PTPRT: variants seen among roughly 807,000 people sequenced by gnomAD.
The protein encoded by PTPRT is receptor-type tyrosine-protein phosphatase T.
PTPRT carries 56 observed loss-of-function variants against 176.8 expected under a neutral mutation model. The ratio of observed to expected loss-of-function variants is 0.32; its 90% CI spans 0.26 to 0.40. The LOEUF (loss-of-function observed/expected upper bound fraction) is 0.40. Ranked by LOEUF, PTPRT falls within the 10% of genes least tolerant of loss-of-function variation. The pLI, the probability that PTPRT is intolerant of heterozygous loss-of-function variation, is 1.00. For synonymous variants in PTPRT, 783 were observed against 739.0 expected, an observed-to-expected ratio of 1.06 and a Z score of -0.96; for missense variants, 1,540 against 1,908.2, an observed-to-expected ratio of 0.81 and a Z score of 3.60.
intron 7 of PTPRT, among the ~76,000 whole-genome samples, chr20:42,675,429 A>C (rs1343789587): frequency 6.6e-6 from 1 of 152,240 alleles, no homozygotes; most frequent in African/African-American, 2.4e-5. Context: ...TATTTTAAAT[A>C]ATGTTGTGCA....
intron 9 of PTPRT, among the ~76,000 whole-genome samples, chr20:42,359,937 T>C (rs1568809028): frequency 1.3e-5 from 2 of 152,240 alleles, no homozygotes; most frequent in South Asian, 2.1e-4. Context: ...AGGGCTGTTG[T>C]AGGAGTGGGG....
intron 7 of PTPRT, among the ~76,000 whole-genome samples, chr20:42,573,143 G>T (rs534859733): frequency 6.6e-6 from 1 of 152,182 alleles, no homozygotes; most frequent in Non-Finnish European, 1.5e-5. Context: ...GCAACAAGGT[G>T]TAGGAGGTAC....
At chr20:42,308,081 G>A (rs2057571084) in intron 12 of PTPRT, among the ~76,000 whole-genome samples, 1 of 152,140 alleles carries the variant, frequency 6.6e-6, no homozygotes, top group Non-Finnish European at 1.5e-5. Flanking sequence ...GGAACCCTCA[G>A]TTCCGGGAAT....
intron 13 of PTPRT, among the ~76,000 whole-genome samples, chr20:42,276,241 A>C (rs1031161506): frequency 1.3e-5 from 2 of 151,804 alleles, no homozygotes; most frequent in Admixed American, 6.6e-5. Context: ...TCATCTAGAG[A>C]CAACAACCTA....
intron 7 of PTPRT, among the ~76,000 whole-genome samples, chr20:42,474,748 G>A (rs577421083): frequency 6.6e-6 from 1 of 152,304 alleles, no homozygotes; most frequent in Admixed American, 6.5e-5. Context: ...CACACAGAGA[G>A]CAATAAATGG....
intron 6 of PTPRT, among the ~76,000 whole-genome samples, chr20:42,743,052 C>T (rs2076635489): frequency 6.6e-6 from 1 of 152,124 alleles, no homozygotes; most frequent in Non-Finnish European, 1.5e-5. Context: ...AAGAACAAAC[C>T]ACAGAGCACA....
intron 16 of PTPRT, among the ~76,000 whole-genome samples, chr20:42,192,855 C>CT (rs1417113496): frequency 6.6e-6 from 1 of 152,176 alleles, no homozygotes; most frequent in South Asian, 2.1e-4. Context: ...TCCCACTTTC[C>CT]TAAGAGGGTC....
chr20:42,221,558 GCT>G (rs1230332378), intron 15 of PTPRT, among the ~76,000 whole-genome samples: 1 of 149,208 alleles, frequency 6.7e-6, no homozygotes, highest in East Asian at 2.0e-4. Context: ...ACAGAGTCTT[GCT>G]CTGTTACCCA....
At chr20:42,363,208 A>G (rs971142533) in intron 9 of PTPRT, among the ~76,000 whole-genome samples, 29 of 141,320 alleles carry the variant, frequency 2.1e-4, no homozygotes, top group Non-Finnish European at 3.1e-5. Flanking sequence ...TCATGGACCC[A>G]CAAGTTAGAA....
intron 1 of PTPRT, among the ~76,000 whole-genome samples, chr20:43,091,230 A>G (rs1032336995): frequency 6.6e-6 from 1 of 151,758 alleles, no homozygotes; most frequent in East Asian, 1.9e-4. Context: ...TTCCATCTCA[A>G]AAAAAAAACA....
chr20:42,211,227 T>C (rs1026799593), intron 15 of PTPRT, among the ~76,000 whole-genome samples: 4 of 152,004 alleles, frequency 2.6e-5, no homozygotes, highest in African/African-American at 9.7e-5. Context: ...ATTCAGGACA[T>C]AGGCATGGGC....
rs1002903516 is a variant in PTPRT, at chr20:42,672,493, A to G, written c.1153+5373T>C. Among the ~76,000 whole-genome samples the G allele has an allele frequency of 2.0e-5, 3 of 152,162 alleles. 1 individual carries two copies. Among genetic ancestry groups the G allele is most frequent in the Non-Finnish European group, 4.4e-5 (3 of 68,032 alleles). ...CATCTGTCCTATTAGTTCTGTCCCTATAAAGAACCCTGACTAATACAACCA... is the reference window on the plus strand; with the variant it reads ...CATCTGTCCTATTAGTTCTGTCCCTGTAAAGAACCCTGACTAATACAACCA... On this transcript the variant is annotated intron_variant, in intron 7 of 30. Transcript: ENST00000373187.
At chr20:43,069,940 T>C (rs1021132124) in intron 1 of PTPRT, among the ~76,000 whole-genome samples, 1 of 152,182 alleles carries the variant, frequency 6.6e-6, no homozygotes, top group African/African-American at 2.4e-5. Context: ...CACGGGCTCC[T>C]ATAAGGCAGG....
At chr20:42,232,636 A>C (rs1600707430) in intron 15 of PTPRT, among the ~76,000 whole-genome samples, 2 of 141,312 alleles carry the variant, frequency 1.4e-5, no homozygotes. Flanking sequence ...CTCCTCCCCC[A>C]CTCCCAGACT....
chr20:42,862,165 T>C (rs2078673784), intron 2 of PTPRT, among the ~76,000 whole-genome samples: 1 of 152,138 alleles, frequency 6.6e-6, no homozygotes, highest in Admixed American at 6.5e-5. Context: ...TTAGAGTACA[T>C]CTCAGTTTGA....
At position 42,936,247 on chromosome 20, in the gene PTPRT, G is replaced by A. The variant is rs148245352; in HGVS notation, c.89-50315C>T. ...ACAGGTTGAAATCAACACCACATAGGAAAGGCTCCAGTGAGAAGGTAACAT... is the reference window on the plus strand; with the variant it reads ...ACAGGTTGAAATCAACACCACATAGAAAAGGCTCCAGTGAGAAGGTAACAT... On this transcript the variant is annotated intron_variant, in intron 1 of 30. Coordinates refer to ENST00000373187, the MANE Select transcript of PTPRT (RefSeq NM_007050.6). Among the ~76,000 whole-genome samples the A allele has an allele frequency of 6.6e-5, 10 of 152,264 alleles. No individual in the cohort carries two copies. In the South Asian group the frequency reaches 8.3e-4, roughly 13 times the overall value.
chr20:42,536,949 C>G (rs1381246805), intron 7 of PTPRT, among the ~76,000 whole-genome samples: 1 of 152,064 alleles, frequency 6.6e-6, no homozygotes, highest in Non-Finnish European at 1.5e-5. Flanking sequence ...TATAACCAAC[C>G]TAAATGTCTA....
the PTPRT span, among the ~76,000 whole-genome samples, chr20:42,058,391 A>G: frequency 6.6e-6 from 1 of 152,210 alleles, no homozygotes. Flanking sequence ...GCAGTTTTGC[A>G]AAGAGGCACT....
chr20:42,868,107 T>C (rs1000846003), intron 2 of PTPRT, among the ~76,000 whole-genome samples: 2 of 152,016 alleles, frequency 1.3e-5, no homozygotes, highest in Non-Finnish European at 1.5e-5. Flanking sequence ...AAATGGGTAA[T>C]GAGTAGAAGC....
Sources: allele counts gnomAD v4.1 joint callset (sites outside exome capture counted in the v4.1 genomes callset), GRCh38; gene constraint gnomAD v4.1.1; transcripts MANE v1.5; gene names NCBI Gene and HGNC (gene_info 2026-07-23, HGNC 2026-07-21).